Variants in RAP1A observed in about 807,000 individuals in gnomAD.
RAP1A encodes the protein RAP1A, member of RAS oncogene family.
RAP1A carries 6 observed loss-of-function variants against 26.4 expected under a neutral mutation model. The ratio of observed to expected loss-of-function variants is 0.23; its 90% CI spans 0.12 to 0.45. The LOEUF is 0.45. Ranked by LOEUF, RAP1A falls within the 20% of genes least tolerant of loss-of-function variation. The pLI, the probability that RAP1A is intolerant of heterozygous loss-of-function variation, is 0.99. For missense variants in RAP1A, 121 were observed against 217.2 expected (o/e 0.56, Z 2.78); for synonymous variants, 73 against 79.4 (o/e 0.92, Z 0.43).
intron 1 of RAP1A, among the ~76,000 whole-genome samples, chr1:111,546,325 A>G (rs1486276013): frequency 2.0e-5 from 3 of 152,262 alleles, no homozygotes; most frequent in South Asian, 4.1e-4. Flanking sequence ...CATTAAGTAC[A>G]TTTACATTGT....
chr1:111,615,746 G>C (rs1659001140), upstream of RAP1A, among the ~76,000 whole-genome samples: 1 of 150,344 alleles, frequency 6.7e-6, no homozygotes, highest in South Asian at 2.1e-4. Flanking sequence ...CAGGAGAATC[G>C]CTTGAACCTG....
intron 1 of RAP1A, among the ~76,000 whole-genome samples, chr1:111,676,417 C>G (rs937600085): frequency 6.6e-6 from 1 of 150,428 alleles, no homozygotes; most frequent in Non-Finnish European, 1.5e-5. Context: ...CAGTATGTAA[C>G]TGGTATTCTG....
chr1:111,700,906 A>G (rs1662002460), intron 4 of RAP1A, among the ~76,000 whole-genome samples: 1 of 152,128 alleles, frequency 6.6e-6, no homozygotes, highest in Non-Finnish European at 1.5e-5. Flanking sequence ...AGCTACCACC[A>G]CTAGAATCTA....
intron 1 of RAP1A, chr1:111,608,098 C>G (rs1658840963): frequency 6.1e-6 from 1 of 164,728 alleles, no homozygotes; most frequent in African/African-American, 2.4e-5. Flanking sequence ...CTCCTCACTT[C>G]CCAGACGGGG....
At chr1:111,558,616 G>A (rs1305896460) in intron 1 of RAP1A, among the ~76,000 whole-genome samples, 2 of 152,120 alleles carry the variant, frequency 1.3e-5, no homozygotes, top group Non-Finnish European at 2.9e-5. Context: ...GAAAGCTTGT[G>A]TAGTTATAAT....
At chr1:111,556,605 T>A (rs12031146) in intron 1 of RAP1A, among the ~76,000 whole-genome samples, 12,282 of 152,166 alleles carry the variant, frequency 0.081, 1,169 homozygotes, top group African/African-American at 0.22. Context: ...AGCTACGACA[T>A]GGATGAAACT....
rs535519992 is a variant in RAP1A at position 111,580,224 on chromosome 1, G to T, written c.-28+37715G>T. Among the ~76,000 whole-genome samples the T allele has an allele frequency of 1.2e-4, 19 of 152,266 alleles. No individual in the cohort carries two copies. In the South Asian group the frequency reaches 3.9e-3, roughly 32 times the overall value. On this transcript the variant is annotated intron_variant, in intron 1 of 7. Transcript: ENST00000356415. ...ACAAAGTCAAAAATTGGTAAGTTAGGGACTGTTTGTATTAGGTAAACTAAG... is the reference window on the plus strand; with the variant it reads ...ACAAAGTCAAAAATTGGTAAGTTAGTGACTGTTTGTATTAGGTAAACTAAG...
chr1:111,544,557 T>A (rs1216604313), intron 1 of RAP1A, among the ~76,000 whole-genome samples: 1 of 152,164 alleles, frequency 6.6e-6, no homozygotes, highest in Non-Finnish European at 1.5e-5. Flanking sequence ...ATTTTTGTAG[T>A]TGAATAACGT....
intron 1 of RAP1A, among the ~76,000 whole-genome samples, chr1:111,561,543 A>T (rs966900749): frequency 6.6e-6 from 1 of 152,182 alleles, no homozygotes; most frequent in Non-Finnish European, 1.5e-5. Flanking sequence ...GGAAATACAG[A>T]CTGAGATACA....
chr1:111,549,812 C>A (rs115511217), intron 1 of RAP1A, among the ~76,000 whole-genome samples: 1,590 of 152,188 alleles, frequency 0.01, 23 homozygotes, highest in African/African-American at 0.036. Context: ...CCATGCTCAG[C>A]TAATCTTTTT....
Position 111,715,345 on chromosome 1 carries a change from TG to T in RAP1A, c.*2947del, listed in dbSNP as rs1411362630. 5 of 146,472 alleles carry T rather than the reference TG, an allele frequency of 3.4e-5. No homozygotes were observed. In the East Asian group the frequency reaches 9.6e-4, roughly 28 times the overall value. 9.1% of individuals were successfully genotyped at this position (146,472 alleles called of 1,614,324 possible). A position where few individuals can be genotyped will look rare whatever the true frequency, so the allele number is the denominator to read the frequency against. On this transcript the variant is annotated 3_prime_UTR_variant, in exon 8 of 8. Transcript: ENST00000369709. ...CCCCCCCCTCAGCCTCCCAAAGTGCTGGGATTACAGGCGTGAGCCACCGCGC... is the reference window on the plus strand; with the variant it reads ...CCCCCCCCTCAGCCTCCCAAAGTGCTGGATTACAGGCGTGAGCCACCGCGC...
rs186417594 is a variant in RAP1A, at chr1:111,710,114, G to T, written c.*29+850G>T. The stretch of plus-strand genomic sequence containing the variant: ...TTACACACCCTGCAACGGTTTTTGA[G>T]TTCTACATTCTCCCCAAAATTGATA... On this transcript the variant is annotated intron_variant, in intron 7 of 7. Coordinates refer to ENST00000369709, the MANE Select transcript of RAP1A (RefSeq NM_002884.4). 2.0e-5 allele frequency among the ~76,000 whole-genome samples: 3 copies of T among 152,138 alleles called. No homozygotes were observed. The East Asian group carries it at 5.8e-4, about 29-fold the overall frequency.
chr1:111,642,511 ACGGTGT>A (rs1659922680), intron 1 of RAP1A, among the ~76,000 whole-genome samples: 1 of 144,650 alleles, frequency 6.9e-6, no homozygotes, highest in Non-Finnish European at 1.5e-5. Flanking sequence ...TTTTTTTGAG[ACGGTGT>A]CTCACTGTCT....
rs748862864 is a variant in RAP1A at position 111,691,342 on chromosome 1, T to C, written c.-19T>C. ...TTTTGTTTGTTTTTCAGATCGTCAG[T>C]ATTTAAACAGATCACATCATGCGTG... On this transcript the variant is annotated 5_prime_UTR_variant, in exon 2 of 8. Transcript: ENST00000369709. 1 of 1,609,374 alleles carries C rather than the reference T, an allele frequency of 6.2e-7. No homozygotes were observed. The highest frequency in any genetic ancestry group is 1.7e-4 in the Middle Eastern group (1 of 6,050).
chr1:111,664,568 A>G (rs771119325), intron 1 of RAP1A, among the ~76,000 whole-genome samples: 72 of 151,860 alleles, frequency 4.7e-4, no homozygotes, highest in Non-Finnish European at 1.9e-4. Flanking sequence ...CATTCTGTCT[A>G]CCTACACCCC....
intron 1 of RAP1A, among the ~76,000 whole-genome samples, chr1:111,555,443 A>G (rs1209383255): frequency 6.6e-6 from 1 of 151,144 alleles, no homozygotes; most frequent in African/African-American, 2.4e-5. Context: ...AAAAATTTTT[A>G]ATGTAATAAT....
chr1:111,546,157 A>G (rs545291001), intron 1 of RAP1A, among the ~76,000 whole-genome samples: 13 of 152,278 alleles, frequency 8.5e-5, no homozygotes, highest in Non-Finnish European at 1.6e-4. Flanking sequence ...TGCAAAAACC[A>G]AGGAGGCAGT....
chr1:111,549,057 A>G (rs906141191), intron 1 of RAP1A, among the ~76,000 whole-genome samples: 8 of 152,190 alleles, frequency 5.3e-5, no homozygotes, highest in African/African-American at 1.9e-4. Context: ...AATCATTTTC[A>G]TATGCTACTG....
chr1:111,675,082 T>C (rs1160719691), intron 1 of RAP1A, among the ~76,000 whole-genome samples: 1 of 152,264 alleles, frequency 6.6e-6, no homozygotes, highest in Non-Finnish European at 1.5e-5. Flanking sequence ...TTAGTGTGTT[T>C]GCTTAAGCTG....
Sources: allele counts gnomAD v4.1 joint callset (sites outside exome capture counted in the v4.1 genomes callset), GRCh38; gene constraint gnomAD v4.1.1; transcripts MANE v1.5; gene names NCBI Gene and HGNC (gene_info 2026-07-23, HGNC 2026-07-21).